RIMKLA: variants seen among roughly 807,000 people sequenced by gnomAD.
The protein encoded by RIMKLA is N-acetylaspartylglutamate synthase A.
Under a neutral mutation model 32.7 loss-of-function variants are expected in RIMKLA, and 14 were observed. The observed-to-expected ratio is 0.43, with a 90% CI of 0.28 to 0.67. The LOEUF (loss-of-function observed/expected upper bound fraction) is 0.67. Ranked by LOEUF, RIMKLA falls within the 30% of genes least tolerant of loss-of-function variation. The pLI, the probability that RIMKLA is intolerant of heterozygous loss-of-function variation, is 0.18. For synonymous variants in RIMKLA, 176 were observed against 204.1 expected (o/e 0.86, Z 1.18); for missense variants, 410 against 519.0 (o/e 0.79, Z 2.04).
intron 2 of RIMKLA, among the ~76,000 whole-genome samples, chr1:42,400,983 G>A (rs1427671235): frequency 6.6e-6 from 1 of 152,042 alleles, no homozygotes; most frequent in African/African-American, 2.4e-5. Flanking sequence ...GAATCCTTTC[G>A]GGCAGTGGTC....
intron 1 of RIMKLA, among the ~76,000 whole-genome samples, chr1:42,395,910 A>G (rs1557753347): frequency 6.6e-6 from 1 of 152,206 alleles, no homozygotes; most frequent in Non-Finnish European, 1.5e-5. Context: ...GGCAATGGGA[A>G]AGAGCAGGAG....
At chr1:42,406,880 A>G (rs1643151464) in intron 3 of RIMKLA, among the ~76,000 whole-genome samples, 1 of 148,194 alleles carries the variant, frequency 6.7e-6, no homozygotes, top group South Asian at 2.1e-4. Context: ...TGGGTTTTTA[A>G]TCTTTTTATT....
chr1:42,406,060 A>G (rs990476658), intron 3 of RIMKLA, among the ~76,000 whole-genome samples: 25 of 152,202 alleles, frequency 1.6e-4, no homozygotes, highest in Admixed American at 1.2e-3. Context: ...CATAAAATTC[A>G]CATATTTATT....
Position 42,385,844 on chromosome 1 carries a change from C to CTCTCTCTCTCTCTT in RIMKLA, c.163+4750_163+4751insCTCTCTCTCTTTCT, listed in dbSNP as rs1184237388. Among the ~76,000 whole-genome samples the CTCTCTCTCTCTCTT allele has an allele frequency of 1.5e-3, 87 of 57,076 alleles. 11 individuals are homozygous for CTCTCTCTCTCTCTT. Among genetic ancestry groups the CTCTCTCTCTCTCTT allele is most frequent in the Middle Eastern group, 0.01 (1 of 100 alleles). 37.4% of individuals were successfully genotyped at this position (57,076 alleles called of 152,430 possible). The stretch of plus-strand genomic sequence containing the variant: ...CCTTCCTTCCTTTCTTTCTTTCTTT[C>CTCTCTCTCTCTCTT]TCTTTCTTTCTTTCTTTCTTTCTTT... On this transcript the variant is annotated intron_variant, in intron 1 of 4. Coordinates refer to ENST00000431473, the MANE Select transcript of RIMKLA (RefSeq NM_173642.4).
At chr1:42,383,508 C>T (rs1485983896) in intron 1 of RIMKLA, among the ~76,000 whole-genome samples, 2 of 152,146 alleles carry the variant, frequency 1.3e-5, no homozygotes, top group Non-Finnish European at 2.9e-5. Context: ...GATATGATCT[C>T]TGGTTCCTAG....
intron 1 of RIMKLA, among the ~76,000 whole-genome samples, chr1:42,385,113 C>A (rs1642925471): frequency 6.6e-6 from 1 of 152,152 alleles, no homozygotes; most frequent in Admixed American, 6.6e-5. Context: ...CTCTGAAGAA[C>A]CAGGATTCCT....
At chr1:42,383,586 A>C (rs1457839239) in intron 1 of RIMKLA, among the ~76,000 whole-genome samples, 1 of 152,264 alleles carries the variant, frequency 6.6e-6, no homozygotes, top group African/African-American at 2.4e-5. Flanking sequence ...CTCGAAAAAA[A>C]AATTCCAGAA....
At chr1:42,383,547 A>C (rs1319772035) in intron 1 of RIMKLA, among the ~76,000 whole-genome samples, 1 of 152,220 alleles carries the variant, frequency 6.6e-6, no homozygotes, top group Non-Finnish European at 1.5e-5. Flanking sequence ...TATAGAAAAC[A>C]CTTGGTAATT....
At chr1:42,394,892 C>G (rs771664880) in intron 1 of RIMKLA, among the ~76,000 whole-genome samples, 14 of 152,018 alleles carry the variant, frequency 9.2e-5, no homozygotes, top group Non-Finnish European at 1.6e-4. Context: ...GTGCACACCA[C>G]CACGCCCAGC....
intron 1 of RIMKLA, among the ~76,000 whole-genome samples, chr1:42,398,672 T>C (rs1643067801): frequency 6.6e-6 from 1 of 152,274 alleles, no homozygotes; most frequent in African/African-American, 2.4e-5. Flanking sequence ...GATAAAATCA[T>C]TTAAATGGTT....
At chr1:42,387,903 A>G (rs965530595) in intron 1 of RIMKLA, among the ~76,000 whole-genome samples, 14 of 152,130 alleles carry the variant, frequency 9.2e-5, no homozygotes, top group African/African-American at 3.4e-4. Flanking sequence ...ATGTTTCTGG[A>G]GGTAAGAGAG....
At chr1:42,385,844 C>CCT (rs1642937106) in intron 1 of RIMKLA, among the ~76,000 whole-genome samples, 3 of 57,080 alleles carry the variant, frequency 5.3e-5, no homozygotes, top group Middle Eastern at 0.01. Context: ...TTCTTTCTTT[C>CCT]TCTTTCTTTC....
chr1:42,386,501 G>T (rs1642948457), intron 1 of RIMKLA, among the ~76,000 whole-genome samples: 1 of 151,666 alleles, frequency 6.6e-6, no homozygotes, highest in Admixed American at 6.6e-5. Context: ...TTGTTTTTTG[G>T]TTATAATTGG....
At chr1:42,384,500 CAT>C (rs1642917216) in intron 1 of RIMKLA, among the ~76,000 whole-genome samples, 2 of 145,796 alleles carry the variant, frequency 1.4e-5, no homozygotes, top group South Asian at 4.3e-4. Flanking sequence ...TATATATATA[CAT>C]GTATATATGT....
At chr1:42,381,157 G>A in intron 1 of RIMKLA, 60 bp downstream of exon 1, 2 of 1,210,060 alleles carry the variant, frequency 1.7e-6, no homozygotes, top group Non-Finnish European at 2.1e-6. Context: ...AGAGCCGGTC[G>A]GGTGGGCGCG....
intron 2 of RIMKLA, among the ~76,000 whole-genome samples, chr1:42,403,003 G>A (rs986038260): frequency 5.9e-5 from 9 of 152,046 alleles, no homozygotes; most frequent in African/African-American, 1.2e-4. Context: ...ATTTGTTACC[G>A]CAACAAGAGA....
chr1:42,383,693 T>G (rs190782375), intron 1 of RIMKLA, among the ~76,000 whole-genome samples: 1 of 152,368 alleles, frequency 6.6e-6, no homozygotes, highest in Admixed American at 6.5e-5. Context: ...GGAAGGATTT[T>G]CAGATCAACC....
intron 1 of RIMKLA, among the ~76,000 whole-genome samples, chr1:42,395,618 G>C (rs953851050): frequency 2.0e-5 from 3 of 152,104 alleles, no homozygotes; most frequent in African/African-American, 7.2e-5. Context: ...TCCTGCATCA[G>C]CTCTTCGTTC....
chr1:42,409,137 G>A (rs1643174747), intron 3 of RIMKLA, among the ~76,000 whole-genome samples: 1 of 146,398 alleles, frequency 6.8e-6, no homozygotes, highest in African/African-American at 2.5e-5. Flanking sequence ...GGGAGGTGGA[G>A]GTTGCAGTGA....
Sources: allele counts gnomAD v4.1 joint callset (sites outside exome capture counted in the v4.1 genomes callset), GRCh38; gene constraint gnomAD v4.1.1; transcripts MANE v1.5; gene names NCBI Gene and HGNC (gene_info 2026-07-23, HGNC 2026-07-21).